The following NARS2 variants were observed in gnomAD, a reference collection of about 807,000 sequenced individuals.
The protein encoded by NARS2 is asparaginyl-tRNA synthetase 2, mitochondrial, also known as asparaginyl-tRNA synthetase.
Under a neutral mutation model 62.9 loss-of-function variants are expected in NARS2, and 60 were observed. The ratio of observed to expected loss-of-function variants is 0.95; its 90% confidence interval spans 0.77 to 1.18. The LOEUF (loss-of-function observed/expected upper bound fraction) is 1.18. NARS2 is among the 50% of genes most tolerant of loss of function. The probability of loss-of-function intolerance (pLI) is 0.00; values close to 1 mark genes in which losing one functional copy is unlikely to be tolerated. For missense variants in NARS2, 619 were observed against 576.4 expected (o/e 1.07, Z -0.76); for synonymous variants, 196 against 200.0 (o/e 0.98, Z 0.17).
chr11:78,485,988 C>T (rs1859556917), intron 7 of NARS2, among the ~76,000 whole-genome samples: 1 of 152,166 alleles, frequency 6.6e-6, no homozygotes, highest in African/African-American at 2.4e-5. Flanking sequence ...GATTCTCATG[C>T]CTCAGCCTCC....
intron 10 of NARS2, 149 bp from the exon 11 acceptor site, chr11:78,466,162 A>C (rs1305710230): frequency 2.6e-6 from 2 of 757,018 alleles, no homozygotes; most frequent in Admixed American, 6.4e-5. Flanking sequence ...ACAGCTGACT[A>C]AACAAGAGAG....
At chr11:78,497,773 C>G (rs959840417) in intron 6 of NARS2, among the ~76,000 whole-genome samples, 1 of 152,114 alleles carries the variant, frequency 6.6e-6, no homozygotes, top group African/African-American at 2.4e-5. Context: ...ATGCAATACA[C>G]TTGGTGGAAA....
At chr11:78,498,684 T>C (rs1189526888) in intron 6 of NARS2, among the ~76,000 whole-genome samples, 1 of 151,812 alleles carries the variant, frequency 6.6e-6, no homozygotes, top group Non-Finnish European at 1.5e-5. Flanking sequence ...TTTTTTTTTT[T>C]TTCCTGTTGG....
chr11:78,448,239 G>A (rs970843107), intron 11 of NARS2, among the ~76,000 whole-genome samples: 1 of 151,584 alleles, frequency 6.6e-6, no homozygotes, highest in African/African-American at 2.4e-5. Flanking sequence ...AAAAAAGAAG[G>A]GATAGGTATA....
chr11:78,544,357 C>T (rs1278826301), intron 5 of NARS2, among the ~76,000 whole-genome samples: 1 of 152,128 alleles, frequency 6.6e-6, no homozygotes, highest in Non-Finnish European at 1.5e-5. Flanking sequence ...GTGGGTACTA[C>T]CCCAAGTTTC....
At chr11:78,440,366 G>C (rs1383633329) in intron 13 of NARS2, among the ~76,000 whole-genome samples, 2 of 145,962 alleles carry the variant, frequency 1.4e-5, no homozygotes, top group East Asian at 4.3e-4. Context: ...GCCCGGCCGA[G>C]CCAAGCATTT....
At chr11:78,570,641 A>T (rs893256079) in intron 2 of NARS2, among the ~76,000 whole-genome samples, 1 of 152,210 alleles carries the variant, frequency 6.6e-6, no homozygotes, top group African/African-American at 2.4e-5. Flanking sequence ...TCGGCCTCCC[A>T]AAGTGCTAGG....
At chr11:78,528,815 A>G (rs1478886715) in intron 6 of NARS2, 27 bp downstream of exon 6, 1 of 1,489,670 alleles carries the variant, frequency 6.7e-7, no homozygotes, top group South Asian at 1.1e-5. Context: ...AATATATCAA[A>G]GCAAAAGAGA....
chr11:78,512,278 CT>C (rs2135389917), intron 6 of NARS2, among the ~76,000 whole-genome samples: 2 of 152,314 alleles, frequency 1.3e-5, no homozygotes, highest in Admixed American at 1.3e-4. Context: ...TTCCAATCCT[CT>C]GCTTTGTATG....
rs552287348 is a variant in NARS2 at position 78,524,013 on chromosome 11, CAATTT to C, written c.689+4824_689+4828del. Among the ~76,000 whole-genome samples, 897 of 152,180 alleles carry C rather than the reference CAATTT, an allele frequency of 5.9e-3. 7 individuals carry two copies. Among genetic ancestry groups the C allele is most frequent in the African/African-American group, 0.02 (848 of 41,532 alleles). ...GCATATACGTTCTCTCTCAATATAA[CAATTT>C]AATTTTTTTGACTTGCTATGTTTAA... On this transcript the variant is annotated intron_variant, in intron 6 of 13. Coordinates refer to ENST00000281038, the MANE Select transcript of NARS2 (RefSeq NM_024678.6).
intron 11 of NARS2, among the ~76,000 whole-genome samples, chr11:78,460,331 T>G (rs1858347664): frequency 6.6e-6 from 1 of 151,308 alleles, no homozygotes; most frequent in Non-Finnish European, 1.5e-5. Context: ...GGTCCGGAAC[T>G]CCTGGGATCA....
intron 5 of NARS2, among the ~76,000 whole-genome samples, chr11:78,532,944 A>T (rs1253100089): frequency 6.6e-6 from 1 of 151,902 alleles, no homozygotes; most frequent in Non-Finnish European, 1.5e-5. Flanking sequence ...CAGCTTCTCC[A>T]CTTCTCAGCA....
At chr11:78,528,995 A>T (rs1362941142) in intron 5 of NARS2, 59 bp from the exon 6 acceptor site, 3 of 1,039,536 alleles carry the variant, frequency 2.9e-6, no homozygotes, top group Non-Finnish European at 1.5e-6. Context: ...TGCATTTCAC[A>T]TTCATATACA....
intron 7 of NARS2, among the ~76,000 whole-genome samples, chr11:78,489,059 G>A (rs958712769): frequency 3.3e-5 from 5 of 152,082 alleles, no homozygotes; most frequent in Admixed American, 2.6e-4. Flanking sequence ...GAGATCTAGG[G>A]CAAGGTAAAG....
chr11:78,482,152 T>G (rs1186315640), intron 7 of NARS2, among the ~76,000 whole-genome samples: 2 of 152,166 alleles, frequency 1.3e-5, no homozygotes, highest in Non-Finnish European at 2.9e-5. Context: ...TTAAACCACT[T>G]TATTTCTCTA....
chr11:78,544,401 A>G (rs957249438), intron 5 of NARS2, among the ~76,000 whole-genome samples: 2 of 152,242 alleles, frequency 1.3e-5, no homozygotes, highest in Non-Finnish European at 2.9e-5. Context: ...TTAGTGAATT[A>G]GGTAAATTGT....
At chr11:78,551,316 C>T (rs1160291098) in intron 5 of NARS2, among the ~76,000 whole-genome samples, 1 of 152,184 alleles carries the variant, frequency 6.6e-6, no homozygotes, top group Non-Finnish European at 1.5e-5. Flanking sequence ...GGCTACAAAC[C>T]TGTATAACAT....
intron 6 of NARS2, among the ~76,000 whole-genome samples, chr11:78,495,795 A>T (rs1296022048): frequency 6.6e-6 from 1 of 152,228 alleles, no homozygotes; most frequent in East Asian, 1.9e-4. Context: ...CTGAGTTTCC[A>T]ATCTGTGACT....
At chr11:78,521,752 T>TGCACTCCA (rs1861132826) in intron 6 of NARS2, among the ~76,000 whole-genome samples, 1 of 127,452 alleles carries the variant, frequency 7.8e-6, no homozygotes, top group Admixed American at 9.4e-5. Flanking sequence ...ATCCCGCCAC[T>TGCACTCCA]GCACTCCAGC....
Sources: gnomAD v4.1 joint callset for allele counts (sites outside exome capture counted in the v4.1 genomes callset) on GRCh38, gnomAD v4.1.1 for gene constraint, MANE v1.5 for transcripts, NCBI Gene and HGNC (gene_info 2026-07-23, HGNC 2026-07-21) for gene names.